The following RLF variants were observed in gnomAD, a reference collection of about 807,000 sequenced individuals.
RLF encodes zinc finger protein Rlf.
Under a neutral mutation model 162.9 loss-of-function variants are expected in RLF, and 7 were observed. The ratio of observed to expected loss-of-function variants is 0.04; its 90% confidence interval spans 0.02 to 0.08. The LOEUF (loss-of-function observed/expected upper bound fraction) is 0.08. Ranked by LOEUF, RLF falls within the 10% of genes least tolerant of loss-of-function variation. RLF has a pLI of 1.00. For synonymous variants in RLF, 782 were observed against 791.5 expected (o/e 0.99, Z 0.20); for missense variants, 1,664 against 2,244.7 (o/e 0.74, Z 5.23).
At chr1:40,230,130 A>G (rs906992874) in intron 6 of RLF, among the ~76,000 whole-genome samples, 2 of 151,724 alleles carry the variant, frequency 1.3e-5, no homozygotes, top group African/African-American at 4.8e-5. Context: ...AAAAAAAAAG[A>G]AGAAAAGAAA....
At chr1:40,205,173 TC>T (rs1159050262) in intron 5 of RLF, among the ~76,000 whole-genome samples, 1 of 152,104 alleles carries the variant, frequency 6.6e-6, no homozygotes, top group East Asian at 1.9e-4. Flanking sequence ...TCTTCTTAGG[TC>T]CAGAGGTGGT....
chr1:40,192,252 T>C (rs970676806), intron 3 of RLF, among the ~76,000 whole-genome samples: 4 of 152,226 alleles, frequency 2.6e-5, no homozygotes, highest in Non-Finnish European at 5.9e-5. Context: ...CCAGTCGTTT[T>C]GTTCTGGCAT....
At chr1:40,230,551 G>A (rs968902771) in intron 6 of RLF, among the ~76,000 whole-genome samples, 1 of 152,036 alleles carries the variant, frequency 6.6e-6, no homozygotes, top group Non-Finnish European at 1.5e-5. Flanking sequence ...CCTGTTCTCA[G>A]CCTCCCAAGT....
intron 3 of RLF, among the ~76,000 whole-genome samples, chr1:40,194,007 C>T (rs1570533886): frequency 6.6e-6 from 1 of 152,210 alleles, no homozygotes; most frequent in East Asian, 1.9e-4. Flanking sequence ...GGAACAAGCT[C>T]ACCATAATCA....
At chr1:40,196,346 A>G (rs1642636151) in intron 4 of RLF, among the ~76,000 whole-genome samples, 1 of 152,182 alleles carries the variant, frequency 6.6e-6, no homozygotes, top group African/African-American at 2.4e-5. Context: ...TGCTGGGATT[A>G]TAGGCAAGAG....
At chr1:40,213,505 T>A (rs1418430550) in intron 5 of RLF, among the ~76,000 whole-genome samples, 1 of 151,960 alleles carries the variant, frequency 6.6e-6, no homozygotes, top group Non-Finnish European at 1.5e-5. Context: ...TTAAAAGGAG[T>A]CTCATGTTTT....
chr1:40,180,822 T>C (rs1019913875), intron 1 of RLF, among the ~76,000 whole-genome samples: 1 of 152,246 alleles, frequency 6.6e-6, no homozygotes, highest in African/African-American at 2.4e-5. Flanking sequence ...TTGCTGTATT[T>C]TCTCCCATTT....
chr1:40,176,551 C>G (rs1642328381), intron 1 of RLF, among the ~76,000 whole-genome samples: 1 of 152,178 alleles, frequency 6.6e-6, no homozygotes, highest in African/African-American at 2.4e-5. Flanking sequence ...GTGATTCTCC[C>G]ACGACAGCCT....
chr1:40,199,551 A>G (rs1352416036), intron 4 of RLF, among the ~76,000 whole-genome samples: 4 of 152,232 alleles, frequency 2.6e-5, no homozygotes. Context: ...TTTCAACATC[A>G]GATCAGTGAT....
Position 40,236,241 on chromosome 1 carries a change from C to G in RLF, c.1539C>G (p.Asp513Glu). Residue 513 changes from aspartate (D) to glutamate (E), a missense_variant, in exon 8 of 8, where the codon GAC becomes GAG. By Grantham distance (45) the Asp-to-Glu change is conservative. Transcript: ENST00000372771. The surrounding 1 kb of genome is among the most constrained non-coding windows in gnomAD (Gnocchi z 7.7). Reference sequence around the variant, plus strand: ...ATGTTTTAGAGTCATTTCTCAGTGACTATGATGAGGGTAAAGAAGATAAAC... The same window carrying G: ...ATGTTTTAGAGTCATTTCTCAGTGAGTATGATGAGGGTAAAGAAGATAAAC... ...DTDVLESFLS[D>E]YDEGKEDKQY... 2 of 1,613,680 alleles carry G rather than the reference C, an allele frequency of 1.2e-6. No individual in the cohort carries two copies. Among genetic ancestry groups the G allele is most frequent in the Non-Finnish European group, 1.7e-6 (2 of 1,179,808 alleles).
intron 1 of RLF, among the ~76,000 whole-genome samples, chr1:40,179,964 GA>G (rs1285543054): frequency 7.9e-5 from 12 of 152,054 alleles, no homozygotes; most frequent in Non-Finnish European, 7.4e-5. Context: ...CCATTTTATG[GA>G]TATATCACTT....
At chr1:40,230,025 C>A (rs142697024) in intron 6 of RLF, among the ~76,000 whole-genome samples, 7,891 of 151,164 alleles carry the variant, frequency 0.052, 600 homozygotes, top group African/African-American at 0.17. Context: ...GAGGCAGGAG[C>A]ATTGCTTAAA....
chr1:40,196,266 G>A (rs1481495131), intron 4 of RLF, among the ~76,000 whole-genome samples: 7 of 151,882 alleles, frequency 4.6e-5, no homozygotes, highest in Non-Finnish European at 2.9e-5. Flanking sequence ...TAGAGACGAG[G>A]CGTTACCATG....
At chr1:40,204,773 G>GT (rs1302230918) in intron 5 of RLF, among the ~76,000 whole-genome samples, 2 of 152,026 alleles carry the variant, frequency 1.3e-5, no homozygotes, top group East Asian at 3.9e-4. Context: ...TAGTTGCATA[G>GT]TTTTTTCTTA....
At chr1:40,195,565 T>C (rs1642624225) in intron 3 of RLF, 67 bp from the exon 4 acceptor site, 3 of 1,350,918 alleles carry the variant, frequency 2.2e-6, no homozygotes, top group African/African-American at 1.5e-5. Flanking sequence ...GTATCAGATA[T>C]GTTGAAAAGG....
intron 1 of RLF, among the ~76,000 whole-genome samples, chr1:40,187,160 C>T (rs1570528544): frequency 6.6e-6 from 1 of 151,900 alleles, no homozygotes; most frequent in East Asian, 1.9e-4. Flanking sequence ...GCCTCCTGAG[C>T]AGCTGGGACT....
In RLF at chr1:40,161,667, C is replaced by T. The variant is rs768038101; in HGVS notation, c.237+31C>T. The T allele has an allele frequency of 6.9e-6, 11 of 1,602,516 alleles. No homozygotes were observed. In the South Asian group the frequency reaches 8.9e-5, roughly 13 times the overall value. On this transcript the variant is annotated intron_variant, in intron 1 of 7. Transcript: ENST00000372771. This position sits in a 1 kb window ranked among gnomAD's most constrained non-coding sequence, Gnocchi z 4.4. The stretch of plus-strand genomic sequence containing the variant: ...GGGCTGACTGGCTGGCTGAGGGCGG[C>T]GGGGCGGGGAAGTCAGGGAAGGAGG...
chr1:40,168,876 C>T (rs1642202281), intron 1 of RLF, among the ~76,000 whole-genome samples: 1 of 151,892 alleles, frequency 6.6e-6, no homozygotes, highest in African/African-American at 2.4e-5. Flanking sequence ...ACCTGTAACC[C>T]TAGCTACTCA....
At chr1:40,191,640 C>T (rs1381265924) in intron 3 of RLF, among the ~76,000 whole-genome samples, 3 of 152,098 alleles carry the variant, frequency 2.0e-5, no homozygotes, top group African/African-American at 7.2e-5. Context: ...TCTCTTAAGC[C>T]CAAGAGTCCG....
Sources: allele counts gnomAD v4.1 joint callset (sites outside exome capture counted in the v4.1 genomes callset), GRCh38; gene constraint gnomAD v4.1.1; non-coding constraint Gnocchi (gnomAD v3.1); transcripts MANE v1.5; gene names NCBI Gene and HGNC (gene_info 2026-07-23, HGNC 2026-07-21).